Variants in NEGR1 observed in about 807,000 individuals in gnomAD.
NEGR1 encodes neuronal growth regulator 1.
Under a neutral mutation model 40.9 loss-of-function variants are expected in NEGR1, and 10 were observed. That is an observed-to-expected ratio of 0.24 (90% CI 0.15 to 0.42). The LOEUF (loss-of-function observed/expected upper bound fraction) is 0.42, where lower values mean the gene tolerates loss of function less well. Ranked by LOEUF, NEGR1 falls within the 10% of genes least tolerant of loss-of-function variation. The probability of loss-of-function intolerance (pLI) is 1.00; values close to 1 mark genes in which losing one functional copy is unlikely to be tolerated. For synonymous variants in NEGR1, 185 were observed against 166.8 expected (o/e 1.11, Z -0.84); for missense variants, 352 against 438.9 (o/e 0.80, Z 1.77).
chr1:72,090,355 C>CT (rs1406586519), intron 1 of NEGR1, among the ~76,000 whole-genome samples: 1 of 129,866 alleles, frequency 7.7e-6, no homozygotes, highest in African/African-American at 3.1e-5. Context: ...TAAAATAATT[C>CT]TTTTTTTCTT....
At chr1:72,281,904 T>C (rs1318849225) in intron 1 of NEGR1, among the ~76,000 whole-genome samples, 1 of 152,060 alleles carries the variant, frequency 6.6e-6, no homozygotes, top group African/African-American at 2.4e-5. Context: ...GGAAAATAAA[T>C]GGGAGCAGAG....
At chr1:72,221,175 T>G (rs554055195) in intron 1 of NEGR1, among the ~76,000 whole-genome samples, 2 of 152,272 alleles carry the variant, frequency 1.3e-5, no homozygotes. Context: ...CTTATCATCA[T>G]ATGGCCTTCT....
chr1:71,455,434 A>G (rs1171815404), intron 6 of NEGR1, among the ~76,000 whole-genome samples: 1 of 152,164 alleles, frequency 6.6e-6, no homozygotes, highest in Non-Finnish European at 1.5e-5. Context: ...TTGAATTAAG[A>G]TCTTTTGACT....
intron 1 of NEGR1, among the ~76,000 whole-genome samples, chr1:72,184,619 G>A (rs1244101154): frequency 1.3e-5 from 2 of 151,924 alleles, no homozygotes; most frequent in Non-Finnish European, 2.9e-5. Flanking sequence ...CATGTTAGTT[G>A]TGTACAATTC....
At chr1:71,958,339 T>G (rs1192152953) in intron 1 of NEGR1, among the ~76,000 whole-genome samples, 2 of 152,190 alleles carry the variant, frequency 1.3e-5, no homozygotes, top group Non-Finnish European at 2.9e-5. Flanking sequence ...TCTGCATCAG[T>G]ATGTTAACTT....
chr1:71,735,664 G>T (rs979953374), intron 3 of NEGR1, among the ~76,000 whole-genome samples: 3 of 151,550 alleles, frequency 2.0e-5, no homozygotes, highest in African/African-American at 7.3e-5. Flanking sequence ...CACACATCGT[G>T]GGTATACATA....
chr1:71,763,990 A>G (rs973248946), intron 3 of NEGR1, among the ~76,000 whole-genome samples: 5 of 152,160 alleles, frequency 3.3e-5, no homozygotes, highest in Admixed American at 3.3e-4. Context: ...CATGTAGTAT[A>G]AAGAAGAACA....
In NEGR1 at chr1:71,400,402, TA is replaced by T. The variant is rs1406669559; in HGVS notation, c.*7043del. On this transcript the variant is annotated 3_prime_UTR_variant, in exon 7 of 7. Coordinates refer to ENST00000357731, the MANE Select transcript of NEGR1 (RefSeq NM_173808.3). ...TTCATTTTTCTTACTGTTTTTGATA[TA>T]AAATTCCTGTTATACCATGAATTAA... is the stretch of plus-strand genomic sequence containing the variant. 2.0e-5 allele frequency: 3 copies of T among 151,902 alleles called. No individual in the cohort carries two copies. The highest frequency in any genetic ancestry group is 3.9e-4 in the East Asian group (2 of 5,174). 9.4% of individuals were successfully genotyped at this position (151,902 alleles called of 1,614,324 possible).
chr1:71,670,582 G>C (rs1278373372), intron 4 of NEGR1, among the ~76,000 whole-genome samples: 1 of 151,358 alleles, frequency 6.6e-6, no homozygotes, highest in Non-Finnish European at 1.5e-5. Flanking sequence ...TTGAGATGGG[G>C]GTCTCACTCT....
intron 1 of NEGR1, among the ~76,000 whole-genome samples, chr1:72,114,145 T>C (rs898936585): frequency 2.6e-5 from 4 of 151,722 alleles, no homozygotes; most frequent in Non-Finnish European, 5.9e-5. Flanking sequence ...TCAAACGTGA[T>C]ATTGGATGTT....
chr1:71,475,021 A>C (rs1646810900), intron 6 of NEGR1, among the ~76,000 whole-genome samples: 2 of 152,130 alleles, frequency 1.3e-5, no homozygotes, highest in African/African-American at 4.8e-5. Flanking sequence ...CTATCTTAAA[A>C]TACATATTCT....
At chr1:71,963,658 G>T (rs1290205148) in intron 1 of NEGR1, among the ~76,000 whole-genome samples, 1 of 152,110 alleles carries the variant, frequency 6.6e-6, no homozygotes, top group East Asian at 1.9e-4. Context: ...AATATACAGA[G>T]AGAGTGTGAA....
chr1:71,435,252 T>C (rs1359519877), intron 6 of NEGR1, among the ~76,000 whole-genome samples: 3 of 152,154 alleles, frequency 2.0e-5, no homozygotes, highest in Non-Finnish European at 4.4e-5. Flanking sequence ...GAGTCATACC[T>C]TTAGTCTCTA....
chr1:72,048,100 C>T (rs1647019615), intron 1 of NEGR1, among the ~76,000 whole-genome samples: 1 of 151,584 alleles, frequency 6.6e-6, no homozygotes, highest in Non-Finnish European at 1.5e-5. Flanking sequence ...TTCACAACTT[C>T]CACTTTTACC....
chr1:71,771,883 G>A (rs930406041), intron 3 of NEGR1, among the ~76,000 whole-genome samples: 7 of 152,016 alleles, frequency 4.6e-5, no homozygotes, highest in African/African-American at 1.7e-4. Flanking sequence ...TGAAGGCTGA[G>A]TGCAAAAGAA....
chr1:71,927,912 C>T (rs1030004189), intron 2 of NEGR1, among the ~76,000 whole-genome samples: 2 of 140,314 alleles, frequency 1.4e-5, no homozygotes, highest in African/African-American at 5.3e-5. Flanking sequence ...GTGGGAGGAT[C>T]ACCTGAGGCC....
At chr1:72,066,644 T>C (rs1440965210) in intron 1 of NEGR1, among the ~76,000 whole-genome samples, 2 of 152,022 alleles carry the variant, frequency 1.3e-5, no homozygotes, top group South Asian at 2.1e-4. Context: ...GGAATGCACA[T>C]GCACAGAGAA....
intron 3 of NEGR1, among the ~76,000 whole-genome samples, chr1:71,728,128 C>A (rs1188370657): frequency 6.6e-6 from 1 of 152,124 alleles, no homozygotes; most frequent in Non-Finnish European, 1.5e-5. Flanking sequence ...TGTGAGCAGG[C>A]AGACCAGAAT....
intron 1 of NEGR1, among the ~76,000 whole-genome samples, chr1:72,002,800 A>G (rs1405982274): frequency 6.6e-6 from 1 of 152,214 alleles, no homozygotes; most frequent in African/African-American, 2.4e-5. Flanking sequence ...TACAAATTGC[A>G]CCAAGGAATT....
Sources: gnomAD v4.1 joint callset for allele counts (sites outside exome capture counted in the v4.1 genomes callset) on GRCh38, gnomAD v4.1.1 for gene constraint, MANE v1.5 for transcripts, NCBI Gene and HGNC (gene_info 2026-07-23, HGNC 2026-07-21) for gene names.